LIG1: variants seen among roughly 807,000 people sequenced by gnomAD.
The protein encoded by LIG1 is ligase I, DNA, ATP-dependent.
In LIG1, 70 loss-of-function variants were observed where a neutral mutation model predicts 115.7. The ratio of observed to expected loss-of-function variants is 0.60; its 90% CI spans 0.50 to 0.74. The LOEUF is 0.74. Ranked by LOEUF, LIG1 falls within the 30% of genes least tolerant of loss-of-function variation. The pLI, the probability that LIG1 is intolerant of heterozygous loss-of-function variation, is 0.00. For missense variants in LIG1, 1,115 were observed against 1,225.6 expected, an observed-to-expected ratio of 0.91 and a Z score of 1.35; for synonymous variants, 487 against 495.3, an observed-to-expected ratio of 0.98 and a Z score of 0.22.
At chr19:48,153,637 AACACAC>A (rs36171813) in intron 6 of LIG1, among the ~76,000 whole-genome samples, 4,336 of 58,708 alleles carry the variant, frequency 0.074, 296 homozygotes, top group African/African-American at 0.13. Context: ...GCAGATCCAA[AACACAC>A]ACACACACAC....
intron 11 of LIG1, 145 bp from the exon 12 acceptor site, chr19:48,140,288 C>T: frequency 1.6e-6 from 1 of 635,218 alleles, no homozygotes; most frequent in Non-Finnish European, 2.7e-6. Flanking sequence ...GCTCTGGGGC[C>T]TGGAGCCATG....
intron 4 of LIG1, among the ~76,000 whole-genome samples, chr19:48,159,202 C>T (rs1012126957): frequency 6.6e-6 from 1 of 152,138 alleles, no homozygotes; most frequent in Admixed American, 6.5e-5. Flanking sequence ...CTCAGCCTCC[C>T]AAGTAGCTGG....
rs184757758 is a variant in LIG1 at position 48,169,467 on chromosome 19, A to G, written c.-58+774T>C. On this transcript the variant is annotated intron_variant, in intron 1 of 27. Transcript: ENST00000263274. ...CTCTTTTCACAACTTCCTTGAATCT[A>G]TAATTATTTCAAAATAAAAAGTAAA... 30 of 152,440 alleles carry G rather than the reference A, an allele frequency of 2.0e-4. 1 individual carries two copies. Among genetic ancestry groups the G allele is most frequent in the Admixed American group, 1.6e-3 (25 of 15,306 alleles). 9.4% of individuals were successfully genotyped at this position (152,440 alleles called of 1,614,324 possible).
In LIG1 at chr19:48,170,255, G is replaced by T; in HGVS notation, c.-72C>A. 1 of 455,228 alleles carries T rather than the reference G, an allele frequency of 2.2e-6. No homozygotes were observed. The highest frequency in any genetic ancestry group is 4.4e-6 in the Non-Finnish European group (1 of 226,426). The allele number at this position is 455,228 out of a possible 1,614,324, so 28.2% of individuals were successfully genotyped here. On this transcript the variant is annotated 5_prime_UTR_variant, in exon 1 of 28. Coordinates refer to ENST00000263274, the MANE Select transcript of LIG1 (RefSeq NM_000234.3). The stretch of plus-strand genomic sequence containing the variant: ...GCCCCACTTGCCTTGCGTTGGTCCC[G>T]CGCGCCGCTGCCCGGGCAACACACT...
At chr19:48,144,044 G>A in intron 9 of LIG1, 81 bp from the exon 10 acceptor site, 1 of 1,173,372 alleles carries the variant, frequency 8.5e-7, no homozygotes, top group Non-Finnish European at 1.3e-6. Context: ...GATGTGCCAG[G>A]CTCTGTTCAA....
chr19:48,165,748 G>T, intron 1 of LIG1, 125 bp from the exon 2 acceptor site: 1 of 777,152 alleles, frequency 1.3e-6, no homozygotes, highest in Non-Finnish European at 2.2e-6. Context: ...CCTTCAAAAA[G>T]AAACTCCTGT....
chr19:48,157,584 G>A (rs976537671), intron 4 of LIG1, among the ~76,000 whole-genome samples: 13 of 151,940 alleles, frequency 8.6e-5, no homozygotes, highest in Admixed American at 5.2e-4. Flanking sequence ...TCATTCTGTC[G>A]CCCAGGCTGG....
chr19:48,159,760 C>G (rs550631132), intron 4 of LIG1, among the ~76,000 whole-genome samples: 7 of 152,250 alleles, frequency 4.6e-5, no homozygotes, highest in Admixed American at 4.6e-4. Context: ...CTCTGTCACC[C>G]AGGCTGGAGT....
At chr19:48,140,218 A>G in intron 11 of LIG1, 75 bp from the exon 12 acceptor site, 3 of 629,454 alleles carry the variant, frequency 4.8e-6, no homozygotes, top group Non-Finnish European at 8.4e-6. Context: ...GGTGGGTTTA[A>G]GGGGGTGGAC....
intron 2 of LIG1, among the ~76,000 whole-genome samples, chr19:48,164,558 T>G (rs1440576033): frequency 6.6e-6 from 1 of 152,218 alleles, no homozygotes; most frequent in African/African-American, 2.4e-5. Context: ...TGGCCCAGGC[T>G]GGGCCAGTGA....
Position 48,140,042 on chromosome 19 carries a change from C to G in LIG1, c.1016G>C (p.Gly339Ala), listed in dbSNP as rs1382587405. Residue 339 changes from glycine to alanine, a missense_variant, in exon 12 of 28, where the codon GGG becomes GCG. Gly to Ala is a moderately conservative substitution (Grantham distance 60). Coordinates refer to ENST00000263274, the MANE Select transcript of LIG1 (RefSeq NM_000234.3). ...AAGCTCCAGGCCCTGCTGGGGTGGC[C>G]CAAGGTGGTTGAGGCTGAGGTAGAG... ...PVLYLSLNHL[G>A]PPQQGLELGV... 2 of 1,614,044 alleles carry G rather than the reference C, an allele frequency of 1.2e-6. No individual in the cohort carries two copies. The highest frequency in any genetic ancestry group is 1.7e-5 in the Admixed American group (1 of 60,020).
At position 48,148,305 on chromosome 19, in the gene LIG1, C is replaced by T. The variant is rs274895; in HGVS notation, c.776+1458G>A. Among the ~76,000 whole-genome samples the T allele has an allele frequency of 6.4e-3, 967 of 152,154 alleles. 13 individuals are homozygous for T. The highest frequency in any genetic ancestry group is 0.022 in the African/African-American group (906 of 41,518). ...CCTGGCCAACATGGTGAAACCCGGT[C>T]TCTACTAAAAATACAAAAATTAGCC... On this transcript the variant is annotated intron_variant, in intron 9 of 27. Transcript: ENST00000263274.
Position 48,162,364 on chromosome 19 carries a change from A to C in LIG1, c.18-13T>G. ...GTGGAAAAATGACCTAGAGGAGCAT[A>C]AAAGGGGGTAAAAAAAGGAGAATAA... On this transcript the variant is annotated splice_polypyrimidine_tract_variant and intron_variant, in intron 2 of 27. Transcript: ENST00000263274. 6.3e-7 allele frequency: 1 copy of C among 1,594,534 alleles called. No homozygotes were observed. The highest frequency in any genetic ancestry group is 8.6e-7 in the Non-Finnish European group (1 of 1,162,672).
At chr19:48,138,793 G>A (rs563724332) in intron 12 of LIG1, among the ~76,000 whole-genome samples, 11 of 152,338 alleles carry the variant, frequency 7.2e-5, no homozygotes, top group African/African-American at 2.4e-4. Flanking sequence ...AGCCAATGTA[G>A]TTGGGTTTTC....
intron 18 of LIG1, among the ~76,000 whole-genome samples, chr19:48,132,401 G>A (rs1599771312): frequency 1.3e-5 from 2 of 152,240 alleles, no homozygotes; most frequent in South Asian, 4.1e-4. Flanking sequence ...ACACCCACCA[G>A]CAGCATCAGC....
chr19:48,127,523 AATTCCGACAACCTC>A, intron 20 of LIG1, 175 bp from the exon 21 acceptor site: 1 of 644,316 alleles, frequency 1.6e-6, no homozygotes, highest in Non-Finnish European at 2.8e-6. Flanking sequence ...GCTCTCAGCT[AATTCCGACAACCTC>A]ATTCCCCTTC....
intron 9 of LIG1, among the ~76,000 whole-genome samples, chr19:48,149,554 G>A (rs1294778664): frequency 1.3e-5 from 2 of 152,156 alleles, no homozygotes; most frequent in African/African-American, 2.4e-5. Context: ...ACCCTGGACC[G>A]TTTCTACAGG....
In LIG1 at chr19:48,151,141, C is replaced by A. The variant is rs1365976501; in HGVS notation, c.574+91G>T. On this transcript the variant is annotated intron_variant, in intron 7 of 27. Transcript: ENST00000263274. ...GCATTTAAGCAATAAGTTTGAGAAT[C>A]TATGCCTTGTTTAAATTAATCATCC... 7 of 748,140 alleles carry A rather than the reference C, an allele frequency of 9.4e-6. No individual in the cohort carries two copies. The East Asian group carries it at 1.7e-4, about 19-fold the overall frequency. The allele number at this position is 748,140 out of a possible 1,614,324, so 46.3% of individuals were successfully genotyped here. A position where few individuals can be genotyped will look rare whatever the true frequency, so the allele number is the denominator to read the frequency against.
chr19:48,149,709 G>T, intron 9 of LIG1, 54 bp downstream of exon 9: 1 of 1,428,212 alleles, frequency 7.0e-7, no homozygotes, highest in Non-Finnish European at 9.9e-7. Flanking sequence ...CTGTCGGAAT[G>T]CAGAGAAGGG....
Sources: gnomAD v4.1 joint callset for allele counts (sites outside exome capture counted in the v4.1 genomes callset) on GRCh38, gnomAD v4.1.1 for gene constraint, MANE v1.5 for transcripts, NCBI Gene and HGNC (gene_info 2026-07-23, HGNC 2026-07-21) for gene names.